Variants in SYNE1 observed in about 807,000 individuals in gnomAD.
SYNE1 encodes spectrin repeat containing nuclear envelope protein 1, also known as nesprin-1.
In SYNE1, 616 loss-of-function variants were observed where a neutral mutation model predicts 1,111.0. The ratio of observed to expected loss-of-function variants is 0.55; its 90% CI spans 0.52 to 0.59. SYNE1 has a LOEUF of 0.59. Among genes scored for constraint, SYNE1 ranks in the 20% least tolerant of loss-of-function variants. SYNE1 has a pLI of 0.00. For missense variants in SYNE1, 10,006 were observed against 10,417.0 expected (o/e 0.96, Z 1.72); for synonymous variants, 3,855 against 3,825.8 (o/e 1.01, Z -0.28).
chr6:152,277,920 A>C, intron 98 of SYNE1, 169 bp downstream of exon 98: 1 of 799,706 alleles, frequency 1.3e-6, no homozygotes, highest in Non-Finnish European at 2.2e-6. Flanking sequence ...AATGTTTGCC[A>C]AAGTCCAAGA....
chr6:152,246,927 G>A (rs2087350188), intron 105 of SYNE1, among the ~76,000 whole-genome samples: 1 of 152,136 alleles, frequency 6.6e-6, no homozygotes, highest in Admixed American at 6.5e-5. Flanking sequence ...ACAGCAAAGC[G>A]ATCAATAAAG....
chr6:152,397,068 G>T, intron 49 of SYNE1, 88 bp from the exon 50 acceptor site: 1 of 1,383,048 alleles, frequency 7.2e-7, no homozygotes. Flanking sequence ...GAAAAACAGA[G>T]TCCAAAGGAA....
chr6:152,331,107 C>T lies in SYNE1; in HGVS notation c.13578G>A (p.Glu4526=), dbSNP rs769604820. ...QGRELMKEVT[E]QEKSEVLGKL... is the part of the protein sequence containing the mutation. Reference sequence around the variant, plus strand: ...TCCCCAGCACTTCACTCTTTTCCTGCTCTGTGACTTCCTTCATTAGTTCGC... The same window carrying T: ...TCCCCAGCACTTCACTCTTTTCCTGTTCTGTGACTTCCTTCATTAGTTCGC... The change falls in exon 78 of 146, where the codon GAG becomes GAA. Residue 4526 remains glutamate, a synonymous_variant. Coordinates refer to ENST00000367255, the MANE Select transcript of SYNE1 (RefSeq NM_182961.4). The T allele has an allele frequency of 2.5e-6, 4 of 1,614,170 alleles. No homozygotes were observed. Among genetic ancestry groups the T allele is most frequent in the Non-Finnish European group, 3.4e-6 (4 of 1,180,046 alleles).
At chr6:152,181,082 CAA>C (rs11439578) in intron 128 of SYNE1, among the ~76,000 whole-genome samples, 2 of 124,608 alleles carry the variant, frequency 1.6e-5, no homozygotes, top group African/African-American at 3.0e-5. Flanking sequence ...TTTATCATTC[CAA>C]AAAAAAAAAA....
At chr6:152,445,477 A>G (rs2098576009) in intron 29 of SYNE1, among the ~76,000 whole-genome samples, 1 of 151,756 alleles carries the variant, frequency 6.6e-6, no homozygotes, top group East Asian at 1.9e-4. Flanking sequence ...CTTCACTAAG[A>G]TCCTCCTTTT....
chr6:152,542,891 A>G (rs548036081), intron 3 of SYNE1, among the ~76,000 whole-genome samples: 1 of 152,130 alleles, frequency 6.6e-6, no homozygotes, highest in Non-Finnish European at 1.5e-5. Flanking sequence ...TCTAAAATAG[A>G]CACAGTTAGA....
chr6:152,628,118 C>T, intron 3 of SYNE1, 147 bp downstream of exon 3: 2 of 819,204 alleles, frequency 2.4e-6, no homozygotes, highest in Non-Finnish European at 4.2e-6. Flanking sequence ...GACAGCATGG[C>T]CCTGTTTGAA....
intron 31 of SYNE1, 38 bp downstream of exon 31, chr6:152,442,037 A>G (rs371258470): frequency 6.2e-7 from 1 of 1,612,726 alleles, no homozygotes; most frequent in African/African-American, 1.3e-5. Flanking sequence ...AACACTGCCC[A>G]GCCTCTGTTT....
intron 3 of SYNE1, among the ~76,000 whole-genome samples, chr6:152,557,920 C>A (rs2099375803): frequency 6.6e-6 from 1 of 152,022 alleles, no homozygotes; most frequent in African/African-American, 2.4e-5. Context: ...TTCACAATAT[C>A]CTAATACTGT....
intron 130 of SYNE1, among the ~76,000 whole-genome samples, chr6:152,168,862 A>G (rs2064357664): frequency 6.6e-6 from 1 of 152,192 alleles, no homozygotes; most frequent in Non-Finnish European, 1.5e-5. Flanking sequence ...AATCATGTAG[A>G]TGACAAAAAT....
In SYNE1 at chr6:152,404,116, T is replaced by C. The variant is rs6919643; in HGVS notation, c.6825+97A>G. ...TATAGATATATGAGATATATATATA[T>C]ACACACACACACACACACACAGAGA... On this transcript the variant is annotated intron_variant, in intron 46 of 145. Coordinates refer to ENST00000367255, the MANE Select transcript of SYNE1 (RefSeq NM_182961.4). 5,371 of 616,698 alleles carry C rather than the reference T, an allele frequency of 8.7e-3. 163 individuals are homozygous for C. Among genetic ancestry groups the C allele is most frequent in the African/African-American group, 0.079 (4,202 of 53,008 alleles). 38.2% of individuals were successfully genotyped at this position (616,698 alleles called of 1,614,324 possible).
chr6:152,532,375 C>T (rs1289399385), intron 4 of SYNE1, among the ~76,000 whole-genome samples: 1 of 152,076 alleles, frequency 6.6e-6, no homozygotes, highest in South Asian at 2.1e-4. Context: ...GAAAAGAGCT[C>T]TCAAAACATT....
intron 58 of SYNE1, among the ~76,000 whole-genome samples, chr6:152,374,161 A>AAGTG (rs2097238880): frequency 6.6e-6 from 1 of 152,320 alleles, no homozygotes; most frequent in Non-Finnish European, 1.5e-5. Flanking sequence ...CCTAGTGCCA[A>AAGTG]AGTGTAGTTT....
Position 152,331,140 on chromosome 6 carries a change from G to A in SYNE1, c.13545C>T (p.Ala4515=), listed in dbSNP as rs2153973054. The A allele has an allele frequency of 1.2e-6, 2 of 1,613,910 alleles. No individual in the cohort carries two copies. The highest frequency in any genetic ancestry group is 1.7e-6 in the Non-Finnish European group (2 of 1,180,012). The part of the protein sequence containing the change: ...TYQNEVTGLW[A]QGRELMKEVT... The stretch of plus-strand genomic sequence containing the variant: ...CTTCCTTCATTAGTTCGCGACCCTG[G>A]GCCCAAAGTCCAGTGACTTCATTTT... The change falls in exon 78 of 146, where the codon GCC becomes GCT. Residue 4515 remains alanine, a synonymous_variant. Coordinates refer to ENST00000367255, the MANE Select transcript of SYNE1 (RefSeq NM_182961.4).
chr6:152,582,457 T>C (rs2099523431), intron 3 of SYNE1, among the ~76,000 whole-genome samples: 1 of 152,106 alleles, frequency 6.6e-6, no homozygotes, highest in African/African-American at 2.4e-5. Flanking sequence ...ACACACTGAG[T>C]TAAATTTTAA....
intron 3 of SYNE1, among the ~76,000 whole-genome samples, chr6:152,550,066 T>C (rs1317277812): frequency 6.6e-6 from 1 of 152,204 alleles, no homozygotes; most frequent in African/African-American, 2.4e-5. Context: ...TCTAGCAATG[T>C]CATTGGCCTT....
chr6:152,589,935 T>C (rs1299951909), intron 3 of SYNE1, among the ~76,000 whole-genome samples: 36 of 150,570 alleles, frequency 2.4e-4, no homozygotes, highest in African/African-American at 7.3e-4. Context: ...CATTTCTTTT[T>C]TTTTTTTTTT....
intron 3 of SYNE1, among the ~76,000 whole-genome samples, chr6:152,615,581 T>C (rs1274903631): frequency 6.6e-6 from 1 of 152,186 alleles, no homozygotes; most frequent in Non-Finnish European, 1.5e-5. Context: ...ACATATTTCA[T>C]AAGAAACAAA....
In SYNE1 at chr6:152,302,287, C is replaced by G. The variant is rs547611354; in HGVS notation, c.17347-224G>C. On this transcript the variant is annotated intron_variant, in intron 91 of 145. Coordinates refer to ENST00000367255, the MANE Select transcript of SYNE1 (RefSeq NM_182961.4). ...GCCAAAGTGCCCGAGCCCGCGTCCCCGCGTCGGTACAAAAGGAGAAATGAG... is the reference window on the plus strand; with the variant it reads ...GCCAAAGTGCCCGAGCCCGCGTCCCGGCGTCGGTACAAAAGGAGAAATGAG... 4.7e-5 allele frequency: 29 copies of G among 619,992 alleles called. No homozygotes were observed. The East Asian group carries it at 7.0e-4, about 15-fold the overall frequency. 38.4% of individuals were successfully genotyped at this position (619,992 alleles called of 1,614,324 possible). A position where few individuals can be genotyped will look rare whatever the true frequency, so the allele number is the denominator to read the frequency against.
Sources: allele counts gnomAD v4.1 joint callset (sites outside exome capture counted in the v4.1 genomes callset), GRCh38; gene constraint gnomAD v4.1.1; transcripts MANE v1.5; gene names NCBI Gene and HGNC (gene_info 2026-07-23, HGNC 2026-07-21).